MEOX2: variants seen among roughly 807,000 people sequenced by gnomAD.
MEOX2 encodes the protein homeobox protein MOX-2.
A neutral mutation model predicts 27.0 loss-of-function variants in MEOX2; 11 were observed. The observed-to-expected ratio is 0.41, with a 90% CI of 0.26 to 0.68. The LOEUF (loss-of-function observed/expected upper bound fraction) is 0.68, where lower values mean the gene tolerates loss of function less well. MEOX2 is among the 30% of genes least tolerant of loss of function. The probability of loss-of-function intolerance (pLI) is 0.33; values close to 1 mark genes in which losing one functional copy is unlikely to be tolerated. For synonymous variants in MEOX2, 189 were observed against 155.4 expected (o/e 1.22, Z -1.61); for missense variants, 436 against 385.4 (o/e 1.13, Z -1.10).
intron 1 of MEOX2, among the ~76,000 whole-genome samples, chr7:15,664,922 G>A (rs1194590079): frequency 1.3e-5 from 2 of 152,068 alleles, no homozygotes; most frequent in South Asian, 2.1e-4. Flanking sequence ...GGAGGATGAA[G>A]CAAAAGTGAC....
At position 15,612,350 on chromosome 7, in the gene MEOX2, T is replaced by G; in HGVS notation, c.*37A>C. The G allele has an allele frequency of 6.4e-7, 1 of 1,553,270 alleles. No homozygotes were observed. The highest frequency in any genetic ancestry group is 8.9e-7 in the Non-Finnish European group (1 of 1,125,716). ...TTGGGTAAGGCTTGCCATCACAACA[T>G]TTCTTTCCTGAGAATGGAGCTGGTC... On this transcript the variant is annotated 3_prime_UTR_variant, in exon 3 of 3. Transcript: ENST00000262041.
chr7:15,614,412 T>C (rs1240461903), intron 2 of MEOX2, among the ~76,000 whole-genome samples: 2 of 82,512 alleles, frequency 2.4e-5, no homozygotes, highest in Non-Finnish European at 5.2e-5. Flanking sequence ...AGATCCTGTC[T>C]CAAAAAGAAA....
chr7:15,620,094 T>C (rs974363035), intron 2 of MEOX2, among the ~76,000 whole-genome samples: 17 of 152,046 alleles, frequency 1.1e-4, no homozygotes, highest in African/African-American at 4.1e-4. Flanking sequence ...CTCTTTATAT[T>C]TAATATTAAA....
At chr7:15,629,168 G>T (rs1355015150) in intron 1 of MEOX2, among the ~76,000 whole-genome samples, 1 of 152,040 alleles carries the variant, frequency 6.6e-6, no homozygotes, top group East Asian at 1.9e-4. Context: ...GCTTTGACTT[G>T]TATTTATTTG....
intron 1 of MEOX2, among the ~76,000 whole-genome samples, chr7:15,661,971 T>G (rs1781926109): frequency 6.6e-6 from 1 of 152,134 alleles, no homozygotes; most frequent in Non-Finnish European, 1.5e-5. Flanking sequence ...AAACTTGTTT[T>G]GTATTTAGAC....
At chr7:15,667,397 T>C (rs984503770) in intron 1 of MEOX2, among the ~76,000 whole-genome samples, 2 of 151,800 alleles carry the variant, frequency 1.3e-5, no homozygotes, top group Non-Finnish European at 2.9e-5. Context: ...ATTTGCATCA[T>C]GTTTGCTGCA....
intron 1 of MEOX2, among the ~76,000 whole-genome samples, chr7:15,656,443 T>A (rs1298159409): frequency 6.6e-6 from 1 of 151,754 alleles, no homozygotes; most frequent in Non-Finnish European, 1.5e-5. Flanking sequence ...TTTTCTTTTT[T>A]TTTTTCCTGC....
At chr7:15,666,821 A>G (rs886423649) in intron 1 of MEOX2, among the ~76,000 whole-genome samples, 3 of 142,762 alleles carry the variant, frequency 2.1e-5, no homozygotes, top group South Asian at 4.5e-4. Flanking sequence ...AATGGTAAAA[A>G]TTGAGGATAT....
rs1583731812 is a variant in MEOX2 at position 15,612,535 on chromosome 7, T to C, written c.767A>G (p.Glu256Gly). 1 of 1,614,166 alleles carries C rather than the reference T, an allele frequency of 6.2e-7. No individual in the cohort carries two copies. The highest frequency in any genetic ancestry group is 8.5e-7 in the Non-Finnish European group (1 of 1,180,030). The change falls in exon 3 of 3, where the codon GAA becomes GGA. Residue 256 changes from glutamate (E) to glycine (G), a missense_variant. Coordinates refer to ENST00000262041, the MANE Select transcript of MEOX2 (RefSeq NM_005924.5). Reference protein sequence around the residue: ...KGGQQGAAAREKELVNVKKGT... With the variant: ...KGGQQGAAARGKELVNVKKGT... ...CTTTTTCACATTCACCAGTTCCTTT[T>C]CCCGAGCCGCAGCTCCTTGCTGTCC...
intron 1 of MEOX2, among the ~76,000 whole-genome samples, chr7:15,653,950 C>A (rs956851818): frequency 3.3e-5 from 5 of 151,874 alleles, no homozygotes; most frequent in African/African-American, 1.2e-4. Flanking sequence ...TACAGAAATT[C>A]TTGTTGGGAA....
At chr7:15,642,465 T>C (rs1314908790) in intron 1 of MEOX2, among the ~76,000 whole-genome samples, 1 of 152,196 alleles carries the variant, frequency 6.6e-6, no homozygotes, top group Non-Finnish European at 1.5e-5. Context: ...TTCCAAAGTT[T>C]CTATTTTGCT....
intron 1 of MEOX2, among the ~76,000 whole-genome samples, chr7:15,675,302 A>T (rs866045663): frequency 1.3e-5 from 2 of 152,208 alleles, no homozygotes; most frequent in Non-Finnish European, 2.9e-5. Flanking sequence ...AAAGTTGATC[A>T]CTGTTTACAT....
chr7:15,636,553 T>C (rs1293313036), intron 1 of MEOX2, among the ~76,000 whole-genome samples: 1 of 152,038 alleles, frequency 6.6e-6, no homozygotes, highest in African/African-American at 2.4e-5. Context: ...CTGACGAATC[T>C]GCATTATAAT....
chr7:15,670,841 A>C (rs1305367778), intron 1 of MEOX2, among the ~76,000 whole-genome samples: 1 of 152,072 alleles, frequency 6.6e-6, no homozygotes, highest in Non-Finnish European at 1.5e-5. Context: ...GGGGTCCTTG[A>C]CTCTCAGAAC....
intron 1 of MEOX2, among the ~76,000 whole-genome samples, chr7:15,662,925 A>C (rs1781939400): frequency 1.3e-5 from 2 of 152,196 alleles, no homozygotes; most frequent in Non-Finnish European, 2.9e-5. Context: ...TGGAGGTCAA[A>C]GTCTAAGTTA....
chr7:15,630,173 T>C (rs1462714240), intron 1 of MEOX2, among the ~76,000 whole-genome samples: 2 of 152,042 alleles, frequency 1.3e-5, no homozygotes. Context: ...AATGTTGACT[T>C]ATGTGTTCAG....
At chr7:15,632,158 A>G (rs1781415173) in intron 1 of MEOX2, among the ~76,000 whole-genome samples, 1 of 151,814 alleles carries the variant, frequency 6.6e-6, no homozygotes, top group Admixed American at 6.6e-5. Flanking sequence ...CATTGCTGGA[A>G]TAAACTGGCT....
chr7:15,626,136 GA>G (rs1206361161), intron 2 of MEOX2, among the ~76,000 whole-genome samples: 1 of 152,054 alleles, frequency 6.6e-6, no homozygotes, highest in Non-Finnish European at 1.5e-5. Flanking sequence ...ATTTCCAGGT[GA>G]AAACATTTAA....
At chr7:15,618,539 C>A (rs1203548306) in intron 2 of MEOX2, among the ~76,000 whole-genome samples, 1 of 151,850 alleles carries the variant, frequency 6.6e-6, no homozygotes. Context: ...CAACATAATA[C>A]CATCAATATT....
Sources: allele counts gnomAD v4.1 joint callset (sites outside exome capture counted in the v4.1 genomes callset), GRCh38; gene constraint gnomAD v4.1.1; transcripts MANE v1.5; gene names NCBI Gene and HGNC (gene_info 2026-07-23, HGNC 2026-07-21).